The following KBTBD3 variants were observed in gnomAD, a reference collection of about 807,000 sequenced individuals.
KBTBD3 encodes the protein kelch repeat and BTB domain containing 3, also known as kelch repeat and BTB domain-containing protein 3.
Under a neutral mutation model 49.6 loss-of-function variants are expected in KBTBD3, and 38 were observed. That is an observed-to-expected ratio of 0.77 (90% CI 0.59 to 1.00). The LOEUF (loss-of-function observed/expected upper bound fraction) is 1.00. Ranked by LOEUF, KBTBD3 falls within the 50% of genes least tolerant of loss-of-function variation. KBTBD3 has a pLI of 0.00. For synonymous variants in KBTBD3, 214 were observed against 250.4 expected, an observed-to-expected ratio of 0.85 and a Z score of 1.37; for missense variants, 661 against 712.0, an observed-to-expected ratio of 0.93 and a Z score of 0.81.
chr11:106,055,323 T>C (rs1442152817), intron 3 of KBTBD3, among the ~76,000 whole-genome samples: 2 of 152,146 alleles, frequency 1.3e-5, no homozygotes, highest in Non-Finnish European at 2.9e-5. Context: ...TAATGATTTG[T>C]ATTTGTGCCA....
chr11:106,057,951 C>A (rs758779249), intron 3 of KBTBD3: 6 of 397,822 alleles, frequency 1.5e-5, no homozygotes, highest in Non-Finnish European at 2.7e-5. Flanking sequence ...CACAGGGATC[C>A]CCCAAACAAA....
In KBTBD3 at chr11:106,054,065, A is replaced by G. The variant is rs772512279; in HGVS notation, c.624T>C (p.Asn208=). The change falls in exon 4 of 4, where the codon AAT becomes AAC. Residue 208 remains asparagine, a synonymous_variant. Coordinates refer to ENST00000531837, the MANE Select transcript of KBTBD3 (RefSeq NM_198439.3). ...LQKCLESDEL[N]VPEEEMVLKV... ...TCAGTACCATTTCTTCTTCAGGAAC[A>G]TTTAATTCATCTGATTCCAGACATT... 1.2e-6 allele frequency: 2 copies of G among 1,613,512 alleles called. No homozygotes were observed. The highest frequency in any genetic ancestry group is 1.7e-6 in the Non-Finnish European group (2 of 1,179,794).
At chr11:106,070,306 T>C (rs1469675098) in intron 2 of KBTBD3, among the ~76,000 whole-genome samples, 1 of 151,960 alleles carries the variant, frequency 6.6e-6, no homozygotes, top group South Asian at 2.1e-4. Flanking sequence ...TTTAAGAGGA[T>C]GAAAAGACAA....
At chr11:106,076,216 T>C (rs1049506360) in intron 2 of KBTBD3, 1 of 152,240 alleles carries the variant, frequency 6.6e-6, no homozygotes, top group African/African-American at 2.4e-5. Flanking sequence ...TATGATTTAT[T>C]TGCCTTACCA....
chr11:106,073,258 C>CTTTTTTTTTTTTTTTTTTTTTTTT (rs374062847), intron 2 of KBTBD3, among the ~76,000 whole-genome samples: 1 of 113,110 alleles, frequency 8.8e-6, no homozygotes, highest in Non-Finnish European at 1.7e-5. Flanking sequence ...GCACACTCAG[C>CTTTTTTTTTTTTTTTTTTTTTTTT]TTTTTTTTTT....
chr11:106,072,876 A>C (rs1860947397), intron 2 of KBTBD3, among the ~76,000 whole-genome samples: 1 of 152,212 alleles, frequency 6.6e-6, no homozygotes. Context: ...TAAAAGACAG[A>C]CATGGTCCCT....
intron 2 of KBTBD3, among the ~76,000 whole-genome samples, chr11:106,061,522 A>T (rs1387030676): frequency 2.0e-5 from 3 of 152,130 alleles, no homozygotes; most frequent in African/African-American, 7.2e-5. Flanking sequence ...TGAGATTAAC[A>T]TTTGAATTGG....
At chr11:106,073,965 G>A (rs1298948225) in intron 2 of KBTBD3, among the ~76,000 whole-genome samples, 3 of 152,072 alleles carry the variant, frequency 2.0e-5, no homozygotes, top group Admixed American at 6.6e-5. Context: ...GAGAAGTAGG[G>A]TCCAAGTCAT....
chr11:106,062,813 C>T (rs1226832596), intron 2 of KBTBD3, among the ~76,000 whole-genome samples: 1 of 152,174 alleles, frequency 6.6e-6, no homozygotes, highest in Non-Finnish European at 1.5e-5. Context: ...CAAATCTTGA[C>T]TTAACAATGT....
rs761792428 is a variant in KBTBD3, at chr11:106,054,405, A to G, written c.284T>C (p.Ile95Thr). ...TACTGCCTTGGAGGACAAATTAGTA[A>G]TGGTAACACTTCCATCATCTCTTTC... ...MKERDDGSVT[I>T]TNLSSKAVKA... The change falls in exon 4 of 4, where the codon ATT becomes ACT. Residue 95 changes from isoleucine (I) to threonine (T), a missense_variant. Transcript: ENST00000531837. 1 of 1,596,350 alleles carries G rather than the reference A, an allele frequency of 6.3e-7. No individual in the cohort carries two copies. The highest frequency in any genetic ancestry group is 8.6e-7 in the Non-Finnish European group (1 of 1,169,216).
At chr11:106,059,373 T>C (rs1278744441) in intron 2 of KBTBD3, among the ~76,000 whole-genome samples, 1 of 152,182 alleles carries the variant, frequency 6.6e-6, no homozygotes, top group Non-Finnish European at 1.5e-5. Context: ...AATAGCAAAA[T>C]GTACAAGTTG....
chr11:106,070,018 T>G (rs1485173816), intron 2 of KBTBD3, among the ~76,000 whole-genome samples: 2 of 152,038 alleles, frequency 1.3e-5, no homozygotes, highest in Non-Finnish European at 2.9e-5. Context: ...AAAAAGAATC[T>G]TTTTTAACAA....
intron 2 of KBTBD3, among the ~76,000 whole-genome samples, chr11:106,067,607 G>A (rs1400561432): frequency 8.5e-5 from 7 of 82,642 alleles, no homozygotes; most frequent in Non-Finnish European, 2.2e-4. Flanking sequence ...GCAAAACTCC[G>A]TCAAAAAAAA....
Position 106,059,008 on chromosome 11 carries a change from T to C in KBTBD3, c.90A>G (p.Val30=), listed in dbSNP as rs370695256. The change falls in exon 3 of 4, where the codon GTA becomes GTG. Residue 30 remains valine, a synonymous_variant. Transcript: ENST00000531837. ...IPSEKKNNFL[V]SEDHGQKILS... ...AGATTTTTTGTCCATGATCTTCTGA[T>C]ACAAGGAAGTTGTTTTTCTTCTCAG... 2.2e-5 allele frequency: 35 copies of C among 1,560,232 alleles called. No individual in the cohort carries two copies. The South Asian group carries it at 2.3e-4, about 10-fold the overall frequency.
At chr11:106,067,627 A>G (rs1456681890) in intron 2 of KBTBD3, among the ~76,000 whole-genome samples, 2 of 151,046 alleles carry the variant, frequency 1.3e-5, no homozygotes, top group Non-Finnish European at 3.0e-5. Context: ...AAAAAGGTCT[A>G]TTCAAAGAGA....
At chr11:106,058,753 TA>T (rs1398533457) in intron 3 of KBTBD3, 111 bp downstream of exon 3, 15 of 699,072 alleles carry the variant, frequency 2.1e-5, no homozygotes, top group Non-Finnish European at 3.3e-5. Context: ...TTTTTTTTTT[TA>T]GAATTAAAAA....
rs1030388461 is a variant in KBTBD3, at chr11:106,052,748, G to T, written c.*102C>A. 18 of 908,488 alleles carry T rather than the reference G, an allele frequency of 2.0e-5. No homozygotes were observed. Among genetic ancestry groups the T allele is most frequent in the Non-Finnish European group, 3.0e-5 (18 of 595,974 alleles). 56.3% of individuals were successfully genotyped at this position (908,488 alleles called of 1,614,324 possible). On this transcript the variant is annotated 3_prime_UTR_variant, in exon 4 of 4. Transcript: ENST00000531837. Reference sequence around the variant, plus strand: ...TGGTGTACATACATAATAACTAAAAGCAGGAATGTTTTATTTCATTAAGAT... The same window carrying T: ...TGGTGTACATACATAATAACTAAAATCAGGAATGTTTTATTTCATTAAGAT...
At chr11:106,069,726 A>C (rs1469160189) in intron 2 of KBTBD3, among the ~76,000 whole-genome samples, 2 of 152,058 alleles carry the variant, frequency 1.3e-5, no homozygotes, top group African/African-American at 4.8e-5. Context: ...TTTTATCAAA[A>C]TCCTGGCACA....
At chr11:106,063,957 G>C (rs527533223) in intron 2 of KBTBD3, among the ~76,000 whole-genome samples, 1 of 152,080 alleles carries the variant, frequency 6.6e-6, no homozygotes, top group Non-Finnish European at 1.5e-5. Context: ...AGCATATAAT[G>C]TGTGTAAAAT....
Sources: allele counts gnomAD v4.1 joint callset (sites outside exome capture counted in the v4.1 genomes callset), GRCh38; gene constraint gnomAD v4.1.1; transcripts MANE v1.5; gene names NCBI Gene and HGNC (gene_info 2026-07-23, HGNC 2026-07-21).